Variants in PRKN observed in about 807,000 individuals in gnomAD.
PRKN encodes E3 ubiquitin-protein ligase parkin.
A neutral mutation model predicts 59.5 loss-of-function variants in PRKN; 56 were observed. The observed-to-expected ratio is 0.94, with a 90% CI of 0.76 to 1.18. The LOEUF (loss-of-function observed/expected upper bound fraction) is 1.18. Among genes scored for constraint, PRKN ranks in the 50% most tolerant of loss-of-function variants. The pLI, the probability that PRKN is intolerant of heterozygous loss-of-function variation, is 0.00. For synonymous variants in PRKN, 250 were observed against 222.1 expected, an observed-to-expected ratio of 1.13 and a Z score of -1.12; for missense variants, 657 against 596.4, an observed-to-expected ratio of 1.10 and a Z score of -1.06.
At chr6:161,839,115 C>T (rs528740912) in intron 6 of PRKN, among the ~76,000 whole-genome samples, 8 of 152,138 alleles carry the variant, frequency 5.3e-5, no homozygotes, top group Non-Finnish European at 1.0e-4. Context: ...AGTGACAGAG[C>T]CACAAACAGA....
chr6:162,342,178 G>C (rs528728974), intron 2 of PRKN, among the ~76,000 whole-genome samples: 1 of 152,264 alleles, frequency 6.6e-6, no homozygotes, highest in South Asian at 2.1e-4. Flanking sequence ...GGCAAAAGTA[G>C]AGGCAAGAAT....
At position 161,679,684 on chromosome 6, in the gene PRKN, C is replaced by CCTT. The variant is rs531559048; in HGVS notation, c.871+106087_871+106088insAAG. Among the ~76,000 whole-genome samples the CCTT allele has an allele frequency of 3.8e-4, 32 of 84,866 alleles. 2 individuals are homozygous for CCTT. Among genetic ancestry groups the CCTT allele is most frequent in the East Asian group, 1.8e-3 (4 of 2,186 alleles). The allele number at this position is 84,866 out of a possible 152,430, so 55.7% of individuals were successfully genotyped here. On this transcript the variant is annotated intron_variant, in intron 7 of 11. Transcript: ENST00000366898. ...GTTTATAATAGAACCACCCCCCCCCCTTTTTTTTTTTTAAGAAACAGGATT... is the reference window on the plus strand; with the variant it reads ...GTTTATAATAGAACCACCCCCCCCCCCTTTTTTTTTTTTTTAAGAAACAGGATT...
intron 1 of PRKN, among the ~76,000 whole-genome samples, chr6:162,723,115 G>A (rs555778031): frequency 1.3e-5 from 2 of 152,260 alleles, no homozygotes; most frequent in East Asian, 3.9e-4. Context: ...ATGCAGATGT[G>A]TAGCCAAATG....
At chr6:161,767,341 A>G (rs908418823) in intron 7 of PRKN, among the ~76,000 whole-genome samples, 20 of 152,252 alleles carry the variant, frequency 1.3e-4, no homozygotes, top group East Asian at 1.2e-3. Flanking sequence ...GTGAAACGCC[A>G]TCTCTACTAA....
At chr6:162,512,164 T>G (rs1232073574) in intron 1 of PRKN, among the ~76,000 whole-genome samples, 1 of 152,180 alleles carries the variant, frequency 6.6e-6, no homozygotes, top group Non-Finnish European at 1.5e-5. Flanking sequence ...AAAATGTTAC[T>G]ATCATCACTT....
intron 9 of PRKN, among the ~76,000 whole-genome samples, chr6:161,422,611 C>T (rs947347343): frequency 1.3e-5 from 2 of 151,980 alleles, no homozygotes; most frequent in Admixed American, 1.3e-4. Flanking sequence ...TTTCTTGTTT[C>T]TTTTTTATTC....
At chr6:162,176,719 A>G (rs1479702496) in intron 4 of PRKN, among the ~76,000 whole-genome samples, 1 of 152,184 alleles carries the variant, frequency 6.6e-6, no homozygotes, top group Non-Finnish European at 1.5e-5. Flanking sequence ...AACAGCAGAC[A>G]GTGGAAACTG....
Position 161,902,564 on chromosome 6 carries a change from A to ATCTATTTTTTTTTTTTTTTT in PRKN, c.734+70737_734+70738insAAAAAAAAAAAAAAAATAGA, listed in dbSNP as rs1242030157. Among the ~76,000 whole-genome samples the ATCTATTTTTTTTTTTTTTTT allele has an allele frequency of 4.7e-4, 53 of 112,028 alleles. 4 individuals carry two copies. The highest frequency in any genetic ancestry group is 5.1e-4 in the Non-Finnish European group (28 of 55,200). The allele number at this position is 112,028 out of a possible 152,430, so 73.5% of individuals were successfully genotyped here. On this transcript the variant is annotated intron_variant, in intron 6 of 11. Coordinates refer to ENST00000366898, the MANE Select transcript of PRKN (RefSeq NM_004562.3). ...TATCTATCTATTTATTTATTTATTTATTTTTTTTTTTTTGCGACAGAGTCT... is the reference window on the plus strand; with the variant it reads ...TATCTATCTATTTATTTATTTATTTATCTATTTTTTTTTTTTTTTTTTTTTTTTTTTTTGCGACAGAGTCT...
chr6:162,244,833 C>G (rs1779135398), intron 3 of PRKN, among the ~76,000 whole-genome samples: 1 of 151,966 alleles, frequency 6.6e-6, no homozygotes, highest in Non-Finnish European at 1.5e-5. Context: ...GACAGTGGTT[C>G]CAATCTTAGC....
chr6:161,723,689 G>A lies in PRKN; in HGVS notation c.871+62083C>T, dbSNP rs551184152. Among the ~76,000 whole-genome samples, 4 of 152,270 alleles carry A rather than the reference G, an allele frequency of 2.6e-5. No homozygotes were observed. In the South Asian group the frequency reaches 8.3e-4, roughly 32 times the overall value. The stretch of plus-strand genomic sequence containing the variant: ...TATCACTTTACACCCAGGGCCACTA[G>A]TCACCTTGGAAACTGAATCACACAC... On this transcript the variant is annotated intron_variant, in intron 7 of 11. Coordinates refer to ENST00000366898, the MANE Select transcript of PRKN (RefSeq NM_004562.3).
chr6:162,316,957 T>C (rs1046533888), intron 2 of PRKN, among the ~76,000 whole-genome samples: 12 of 152,110 alleles, frequency 7.9e-5, no homozygotes, highest in African/African-American at 2.9e-4. Flanking sequence ...CAAAATTTCA[T>C]TGCAGTAAAA....
At chr6:162,058,141 G>C (rs1582968613) in intron 4 of PRKN, among the ~76,000 whole-genome samples, 1 of 152,200 alleles carries the variant, frequency 6.6e-6, no homozygotes, top group Non-Finnish European at 1.5e-5. Context: ...TCAAATTTGT[G>C]GACCAGCTCT....
intron 7 of PRKN, among the ~76,000 whole-genome samples, chr6:161,730,985 T>C (rs916368848): frequency 6.6e-6 from 1 of 152,024 alleles, no homozygotes; most frequent in African/African-American, 2.4e-5. Flanking sequence ...TTCTGATATG[T>C]TGCAGCCTGA....
chr6:161,377,983 G>C lies in PRKN; in HGVS notation c.1167+8811C>G, dbSNP rs73021269. On this transcript the variant is annotated intron_variant, in intron 10 of 11. Transcript: ENST00000366898. The surrounding 1 kb of genome is among the most constrained non-coding windows in gnomAD (Gnocchi z 4.2). ...GACAGCAGCCCAAACAGATGAGGCA[G>C]CAGCTGACAGTGGACTGTGTGTGGA... is the stretch of plus-strand genomic sequence containing the variant. Among the ~76,000 whole-genome samples the C allele has an allele frequency of 0.041, 6,281 of 152,212 alleles. 187 individuals carry two copies. Among genetic ancestry groups the C allele is most frequent in the Non-Finnish European group, 0.053 (3,626 of 68,016 alleles).
intron 1 of PRKN, among the ~76,000 whole-genome samples, chr6:162,501,546 A>G (rs1793377810): frequency 6.7e-6 from 1 of 148,848 alleles, no homozygotes; most frequent in Admixed American, 6.7e-5. Context: ...AGTAGAGACG[A>G]GGTTTCACCA....
chr6:162,459,812 T>C (rs996234492), intron 1 of PRKN, among the ~76,000 whole-genome samples: 4 of 152,212 alleles, frequency 2.6e-5, no homozygotes, highest in African/African-American at 9.6e-5. Flanking sequence ...TTTCTAGTAA[T>C]CACCAACATT....
At chr6:161,989,347 C>T (rs1781556996) in intron 5 of PRKN, among the ~76,000 whole-genome samples, 1 of 152,158 alleles carries the variant, frequency 6.6e-6, no homozygotes, top group Non-Finnish European at 1.5e-5. Flanking sequence ...ATCAGGGGGC[C>T]TGAGGACAGG....
At chr6:162,577,189 AC>A (rs1027391882) in intron 1 of PRKN, among the ~76,000 whole-genome samples, 10 of 152,086 alleles carry the variant, frequency 6.6e-5, no homozygotes, top group Admixed American at 4.6e-4. Context: ...AAAGATAAAT[AC>A]CCCCAATAAA....
chr6:162,345,562 G>A lies in PRKN; in HGVS notation c.172-82797C>T, dbSNP rs555448619. Among the ~76,000 whole-genome samples, 4 of 152,224 alleles carry A rather than the reference G, an allele frequency of 2.6e-5. No individual in the cohort carries two copies. The South Asian group carries it at 8.3e-4, about 32-fold the overall frequency. ...TAGTTTTGTCAAGTTATTCACAAAG[G>A]CCGTATAAATCTTTTGTTAGATTAT... is the stretch of plus-strand genomic sequence containing the variant. On this transcript the variant is annotated intron_variant, in intron 2 of 11. Coordinates refer to ENST00000366898, the MANE Select transcript of PRKN (RefSeq NM_004562.3).
Sources: allele counts gnomAD v4.1 joint callset (sites outside exome capture counted in the v4.1 genomes callset), GRCh38; gene constraint gnomAD v4.1.1; non-coding constraint Gnocchi (gnomAD v3.1); transcripts MANE v1.5; gene names NCBI Gene and HGNC (gene_info 2026-07-23, HGNC 2026-07-21).